The following TSC1 variants were observed in gnomAD, a reference collection of about 807,000 sequenced individuals.
TSC1 encodes TSC complex subunit 1.
A neutral mutation model predicts 124.3 loss-of-function variants in TSC1; 20 were observed. The ratio of observed to expected loss-of-function variants is 0.16; its 90% CI spans 0.11 to 0.23. TSC1 has a LOEUF of 0.23. Among genes scored for constraint, TSC1 ranks in the 10% least tolerant of loss-of-function variants. The pLI, the probability that TSC1 is intolerant of heterozygous loss-of-function variation, is 1.00. For missense variants in TSC1, 1,124 were observed against 1,448.5 expected (o/e 0.78, Z 3.64); for synonymous variants, 493 against 539.1 (o/e 0.91, Z 1.19).
At position 132,895,939 on chromosome 9, in the gene TSC1, G is replaced by T. The variant is rs956573450; in HGVS notation, c.*296C>A. 6 of 451,686 alleles carry T rather than the reference G, an allele frequency of 1.3e-5. No homozygotes were observed. The highest frequency in any genetic ancestry group is 1.2e-4 in the Admixed American group (3 of 25,894). 28.0% of individuals were successfully genotyped at this position (451,686 alleles called of 1,614,324 possible). A position where few individuals can be genotyped will look rare whatever the true frequency, so the allele number is the denominator to read the frequency against. ...ACAGGTTCAAAGGACGCAACCATTTGGGGGGGAAAGGAAGAAAGTAAAGCT... is the reference window on the plus strand; with the variant it reads ...ACAGGTTCAAAGGACGCAACCATTTTGGGGGGAAAGGAAGAAAGTAAAGCT... On this transcript the variant is annotated 3_prime_UTR_variant, in exon 23 of 23. Transcript: ENST00000298552.
rs1024182531 is a variant in TSC1, at chr9:132,894,475, A to G, written c.*1760T>C. The G allele has an allele frequency of 5.7e-5, 13 of 228,134 alleles. No homozygotes were observed. The highest frequency in any genetic ancestry group is 2.7e-4 in the African/African-American group (12 of 45,070). The allele number at this position is 228,134 out of a possible 1,614,324, so 14.1% of individuals were successfully genotyped here. A position where few individuals can be genotyped will look rare whatever the true frequency, so the allele number is the denominator to read the frequency against. The stretch of plus-strand genomic sequence containing the variant: ...TTTCCTTTGGACAAAGCTGAATTAA[A>G]TGTGTGGTGTCACTAATACTCCACA... On this transcript the variant is annotated 3_prime_UTR_variant, in exon 23 of 23. Coordinates refer to ENST00000298552, the MANE Select transcript of TSC1 (RefSeq NM_000368.5).
rs886063574 is a variant in TSC1 at position 132,892,248 on chromosome 9, T to G, written c.*3987A>C. ...CTAGGGGCCAGTCCTCGACCTAAACTTGTTCTTTCACCTACAGACAAAAGC... is the reference window on the plus strand; with the variant it reads ...CTAGGGGCCAGTCCTCGACCTAAACGTGTTCTTTCACCTACAGACAAAAGC... On this transcript the variant is annotated 3_prime_UTR_variant, in exon 23 of 23. Transcript: ENST00000298552. 4.3e-6 allele frequency: 1 copy of G among 233,216 alleles called. No individual in the cohort carries two copies. Among genetic ancestry groups the G allele is most frequent in the Admixed American group, 5.6e-5 (1 of 17,780 alleles). The allele number at this position is 233,216 out of a possible 1,614,324, so 14.4% of individuals were successfully genotyped here.
chr9:132,913,653 C>T (rs1846088048), intron 8 of TSC1, among the ~76,000 whole-genome samples: 1 of 151,724 alleles, frequency 6.6e-6, no homozygotes, highest in Non-Finnish European at 1.5e-5. Flanking sequence ...GGTGAACCCC[C>T]GTTTCTACTA....
At chr9:132,901,307 T>A (rs1489318467) in intron 19 of TSC1, among the ~76,000 whole-genome samples, 1 of 151,980 alleles carries the variant, frequency 6.6e-6, no homozygotes, top group Non-Finnish European at 1.5e-5. Flanking sequence ...TAGAGCAGGG[T>A]TTAGGATGGA....
intron 4 of TSC1, chr9:132,926,870 T>G: frequency 3.0e-6 from 1 of 336,474 alleles, no homozygotes; most frequent in Non-Finnish European, 5.8e-6. Context: ...AGAGACGGGG[T>G]TTCACTGTGT....
At chr9:132,901,954 T>TAC in intron 18 of TSC1, 1 of 449,748 alleles carries the variant, frequency 2.2e-6, no homozygotes, top group Admixed American at 3.9e-5. Flanking sequence ...GCCCTGAGGC[T>TAC]ACACAGCAAA....
At chr9:132,898,137 T>A (rs1845182549) in intron 20 of TSC1, among the ~76,000 whole-genome samples, 1 of 152,266 alleles carries the variant, frequency 6.6e-6, no homozygotes, top group East Asian at 1.9e-4. Flanking sequence ...TCTCCTTTTC[T>A]CCCCCTCCTG....
In TSC1 at chr9:132,910,616, G is replaced by A. The variant is rs373465241; in HGVS notation, c.1218C>T (p.Tyr406=). 219 of 1,614,108 alleles carry A rather than the reference G, an allele frequency of 1.4e-4. 2 individuals are homozygous for A. In the South Asian group the frequency reaches 1.8e-3, roughly 13 times the overall value. The change falls in exon 12 of 23, where the codon TAC becomes TAT. Residue 406 remains tyrosine (Y), a synonymous_variant. Coordinates refer to ENST00000298552, the MANE Select transcript of TSC1 (RefSeq NM_000368.5). ...TGGCCTGGGGGAGTGAAATGTGCAC[G>A]TAGTCATCCGAATGACAGAGTGGGG... The part of the protein sequence containing the change: ...PPAPLCHSDD[Y]VHISLPQATV...
chr9:132,923,499 G>A lies in TSC1; in HGVS notation c.364-7C>T, dbSNP rs775465260. On this transcript the variant is annotated splice_region_variant and splice_polypyrimidine_tract_variant and intron_variant, in intron 5 of 22. Coordinates refer to ENST00000298552, the MANE Select transcript of TSC1 (RefSeq NM_000368.5). This position sits in a 1 kb window ranked among gnomAD's most constrained non-coding sequence, Gnocchi z 4.2. ...CAACGACGTCAGTGTCCATCTGCAG[G>A]AGAAAAGGTCAAACAGGAAACGTCT... 1.5e-5 allele frequency: 24 copies of A among 1,614,076 alleles called. No homozygotes were observed. Among genetic ancestry groups the A allele is most frequent in the Non-Finnish European group, 1.9e-5 (22 of 1,179,956 alleles).
In TSC1 at chr9:132,910,586, G is replaced by A. The variant is rs777823426; in HGVS notation, c.1248C>T (p.Val416=). The A allele has an allele frequency of 3.5e-5, 57 of 1,614,012 alleles. No homozygotes were observed. Among genetic ancestry groups the A allele is most frequent in the Non-Finnish European group, 4.8e-5 (57 of 1,180,050 alleles). The change falls in exon 12 of 23, where the codon GTC becomes GTT. Residue 416 remains valine, a synonymous_variant. Coordinates refer to ENST00000298552, the MANE Select transcript of TSC1 (RefSeq NM_000368.5). ...YVHISLPQAT[V]TPPRKEERMD... is the part of the protein sequence containing the mutation. ...TGGATCGCACCTTCCTGGGGGGTGT[G>A]ACTGTGGCCTGGGGGAGTGAAATGT...
chr9:132,944,683 C>T (rs1019797949), upstream of TSC1: 5 of 398,742 alleles, frequency 1.3e-5, no homozygotes, highest in Non-Finnish European at 2.2e-5. Context: ...GAGTCCCCCT[C>T]CGGACCTCCC....
chr9:132,927,124 G>A, intron 4 of TSC1, 77 bp downstream of exon 4: 1 of 1,367,254 alleles, frequency 7.3e-7, no homozygotes, highest in South Asian at 1.2e-5. Context: ...CTCAGGACAA[G>A]TTGCACAGTG....
rs558070146 is a variant in TSC1, at chr9:132,933,425, A to C, written c.-81+1608T>G. Among the ~76,000 whole-genome samples, 120 of 151,084 alleles carry C rather than the reference A, an allele frequency of 7.9e-4. 1 individual carries two copies. The highest frequency in any genetic ancestry group is 1.5e-3 in the Non-Finnish European group (103 of 67,726). The stretch of plus-strand genomic sequence containing the variant: ...CAAGAGTACCCCATGAAAAAAGAAA[A>C]ATGCTATTAAAAGCTGGGGTTTTTT... On this transcript the variant is annotated intron_variant, in intron 2 of 22. Transcript: ENST00000298552.
At position 132,896,589 on chromosome 9, in the gene TSC1, G is replaced by A. The variant is rs892228756; in HGVS notation, c.3141C>T (p.Thr1047=). The change falls in exon 23 of 23, where the codon ACC becomes ACT. Residue 1047 remains threonine (T), a synonymous_variant. Coordinates refer to ENST00000298552, the MANE Select transcript of TSC1 (RefSeq NM_000368.5). This position sits in a 1 kb window ranked among gnomAD's most constrained non-coding sequence, Gnocchi z 4.5. Reference sequence around the variant, plus strand: ...CCCTCTGGTGTGGGGGTTTCTCTGGGGTAGAAAGCTCGCTGCTGCTGCTGC... The same window carrying A: ...CCCTCTGGTGTGGGGGTTTCTCTGGAGTAGAAAGCTCGCTGCTGCTGCTGC... ...GSSSSSSELS[T]PEKPPHQRAG... The A allele has an allele frequency of 1.2e-6, 2 of 1,613,850 alleles. No individual in the cohort carries two copies. Among genetic ancestry groups the A allele is most frequent in the Non-Finnish European group, 1.7e-6 (2 of 1,179,844 alleles).
chr9:132,897,725 A>T, intron 20 of TSC1, 115 bp from the exon 21 acceptor site: 1 of 1,381,140 alleles, frequency 7.2e-7, no homozygotes, highest in South Asian at 1.3e-5. Context: ...GTATACTGAT[A>T]ACAGAAATAT....
In TSC1 at chr9:132,906,277, G is replaced by T; in HGVS notation, c.1439-138C>A. On this transcript the variant is annotated intron_variant, in intron 14 of 22. Coordinates refer to ENST00000298552, the MANE Select transcript of TSC1 (RefSeq NM_000368.5). This position sits in a 1 kb window ranked among gnomAD's most constrained non-coding sequence, Gnocchi z 4.1. ...AAAGTGGCATCCGGCTGGACACAGT[G>T]GCTCACGCCTGTAATGCCAGAACTT... The T allele has an allele frequency of 1.0e-6, 1 of 988,574 alleles. No individual in the cohort carries two copies. Among genetic ancestry groups the T allele is most frequent in the Non-Finnish European group, 1.5e-6 (1 of 648,572 alleles). 61.2% of individuals were successfully genotyped at this position (988,574 alleles called of 1,614,324 possible). A position where few individuals can be genotyped will look rare whatever the true frequency, so the allele number is the denominator to read the frequency against.
At chr9:132,898,724 A>AC (rs762304735) in intron 20 of TSC1, among the ~76,000 whole-genome samples, 6 of 152,160 alleles carry the variant, frequency 3.9e-5, no homozygotes, top group Non-Finnish European at 7.3e-5. Flanking sequence ...CCTTACAGCT[A>AC]CCCCTACCAA....
intron 4 of TSC1, chr9:132,926,993 T>G: frequency 1.8e-6 from 1 of 570,712 alleles, no homozygotes; most frequent in East Asian, 3.2e-5. Context: ...TTTAACAGTC[T>G]CTGAAATATG....
intron 20 of TSC1, among the ~76,000 whole-genome samples, 194 bp from the exon 21 acceptor site, chr9:132,897,804 C>T (rs1284259397): frequency 1.3e-5 from 2 of 152,018 alleles, no homozygotes; most frequent in Non-Finnish European, 2.9e-5. Flanking sequence ...GAAATCTATC[C>T]CCAAGCAAAT....
Sources: allele counts gnomAD v4.1 joint callset (sites outside exome capture counted in the v4.1 genomes callset), GRCh38; gene constraint gnomAD v4.1.1; non-coding constraint Gnocchi (gnomAD v3.1); transcripts MANE v1.5; gene names NCBI Gene and HGNC (gene_info 2026-07-23, HGNC 2026-07-21).